The following MALRD1 variants were observed in gnomAD, a reference collection of about 807,000 sequenced individuals.
The protein encoded by MALRD1 is MAM and LDL-receptor class A domain-containing protein 1.
A neutral mutation model predicts 242.1 loss-of-function variants in MALRD1; 247 were observed. The ratio of observed to expected loss-of-function variants is 1.02; its 90% CI spans 0.92 to 1.13. The LOEUF is 1.13. Ranked by LOEUF, MALRD1 falls within the 50% of genes most tolerant of loss-of-function variation. The pLI is 0.00. For synonymous variants in MALRD1, 995 were observed against 866.6 expected (o/e 1.15, Z -2.60); for missense variants, 2,989 against 2,533.1 (o/e 1.18, Z -3.86).
chr10:19,607,295 G>A lies in MALRD1; in HGVS notation c.5945-482G>A, dbSNP rs542486870. 2.0e-5 allele frequency among the ~76,000 whole-genome samples: 3 copies of A among 152,240 alleles called. No individual in the cohort carries two copies. In the South Asian group the frequency reaches 6.2e-4, roughly 32 times the overall value. On this transcript the variant is annotated intron_variant, in intron 34 of 39. Coordinates refer to ENST00000454679, the MANE Select transcript of MALRD1 (RefSeq NM_001142308.3). ...CAGGAATTTATTTTCTCCCACTTCTGGAGGCTAAAAGTCCAAGATCAACGT... is the reference window on the plus strand; with the variant it reads ...CAGGAATTTATTTTCTCCCACTTCTAGAGGCTAAAAGTCCAAGATCAACGT...
intron 16 of MALRD1, among the ~76,000 whole-genome samples, chr10:19,204,640 A>G (rs1435699869): frequency 2.0e-5 from 3 of 152,066 alleles, no homozygotes; most frequent in Non-Finnish European, 4.4e-5. Context: ...CCAACCATGG[A>G]TTATAATTTA....
At chr10:19,682,925 G>A (rs1020349848) in intron 36 of MALRD1, among the ~76,000 whole-genome samples, 3 of 152,152 alleles carry the variant, frequency 2.0e-5, no homozygotes, top group Non-Finnish European at 4.4e-5. Context: ...GGCAGGCCCT[G>A]AGCATCTTCA....
At chr10:19,313,198 C>G (rs1169233164) in intron 21 of MALRD1, among the ~76,000 whole-genome samples, 1 of 151,388 alleles carries the variant, frequency 6.6e-6, no homozygotes, top group Non-Finnish European at 1.5e-5. Context: ...CAAATTACCA[C>G]TGGCAGATTA....
intron 36 of MALRD1, among the ~76,000 whole-genome samples, chr10:19,678,741 A>G (rs1308264553): frequency 6.6e-6 from 1 of 152,176 alleles, no homozygotes; most frequent in African/African-American, 2.4e-5. Context: ...TTCAAAGGGA[A>G]TGCTTCCAGC....
chr10:19,371,038 G>T (rs1322584912), intron 26 of MALRD1, among the ~76,000 whole-genome samples: 1 of 147,696 alleles, frequency 6.8e-6, no homozygotes, highest in South Asian at 2.1e-4. Context: ...TTAAGAGGTG[G>T]TAGGAGTTTT....
intron 33 of MALRD1, among the ~76,000 whole-genome samples, chr10:19,589,424 C>T (rs1167004772): frequency 1.3e-5 from 2 of 152,128 alleles, no homozygotes; most frequent in Non-Finnish European, 2.9e-5. Context: ...CTCCAATATA[C>T]AAAGAATAAA....
chr10:19,385,698 A>G (rs1388440144), intron 26 of MALRD1, among the ~76,000 whole-genome samples: 1 of 151,902 alleles, frequency 6.6e-6, no homozygotes, highest in Non-Finnish European at 1.5e-5. Flanking sequence ...TATTTTATTG[A>G]CATTCTCTAT....
chr10:19,498,629 A>T lies in MALRD1; in HGVS notation c.5303A>T (p.Asp1768Val). The change falls in exon 31 of 40, where the codon GAC becomes GTC. Residue 1768 changes from aspartate to valine, a missense_variant. By Grantham distance (152) the Asp-to-Val change is radical. Coordinates refer to ENST00000454679, the MANE Select transcript of MALRD1 (RefSeq NM_001142308.3). ...SRIPAKALIP[D>V]SDHTPGSGQH... ...ATTCCTGCCAAAGCATTAATTCCAG[A>T]CTCTGATCACACGCCAGGTAAATCT... 6.5e-7 allele frequency: 1 copy of T among 1,549,350 alleles called. No homozygotes were observed. The highest frequency in any genetic ancestry group is 8.7e-7 in the Non-Finnish European group (1 of 1,146,462).
intron 18 of MALRD1, among the ~76,000 whole-genome samples, chr10:19,228,032 G>A (rs1837875631): frequency 6.6e-6 from 1 of 152,150 alleles, no homozygotes; most frequent in African/African-American, 2.4e-5. Context: ...AGACATTTTG[G>A]AAAGCAGTTT....
intron 13 of MALRD1, among the ~76,000 whole-genome samples, chr10:19,170,204 A>G (rs1249623904): frequency 2.6e-5 from 4 of 152,212 alleles, no homozygotes; most frequent in African/African-American, 9.6e-5. Context: ...AATTTAGGTC[A>G]AAGAGTTAAT....
intron 28 of MALRD1, among the ~76,000 whole-genome samples, chr10:19,390,550 T>A (rs780694269): frequency 1.3e-5 from 2 of 152,178 alleles, no homozygotes; most frequent in Non-Finnish European, 2.9e-5. Context: ...CTTTACTGAG[T>A]TAAAACAGTA....
At chr10:19,716,450 A>G (rs952729124) in intron 38 of MALRD1, among the ~76,000 whole-genome samples, 1 of 152,210 alleles carries the variant, frequency 6.6e-6, no homozygotes. Flanking sequence ...CATGGAAGAC[A>G]TGCCTGCTTC....
Position 19,672,998 on chromosome 10 carries a change from A to C in MALRD1, c.6138-19284A>C, listed in dbSNP as rs1841992611. On this transcript the variant is annotated intron_variant, in intron 36 of 39. Transcript: ENST00000454679. ...TACAGTGCTCTTTGGTGGAAATATTATTGGAGGTAGTCTGTTGATAACTTA... is the reference window on the plus strand; with the variant it reads ...TACAGTGCTCTTTGGTGGAAATATTCTTGGAGGTAGTCTGTTGATAACTTA... 2.0e-5 allele frequency among the ~76,000 whole-genome samples: 3 copies of C among 152,134 alleles called. No homozygotes were observed. In the South Asian group the frequency reaches 6.2e-4, roughly 31 times the overall value.
chr10:19,365,659 TAAAAAAAAAAAAAAAA>T (rs199989681), intron 26 of MALRD1, among the ~76,000 whole-genome samples: 133 of 122,874 alleles, frequency 1.1e-3, no homozygotes, highest in Middle Eastern at 4.2e-3. Flanking sequence ...TTATAAATTC[TAAAAAAAAAAAAAAAA>T]AAAAAAAAAA....
At chr10:19,361,114 T>C (rs1250629205) in intron 26 of MALRD1, among the ~76,000 whole-genome samples, 2 of 152,112 alleles carry the variant, frequency 1.3e-5, no homozygotes, top group Non-Finnish European at 2.9e-5. Flanking sequence ...CTCCCAATAC[T>C]TATATAGATA....
At chr10:19,477,218 A>G (rs10764035) in intron 29 of MALRD1, among the ~76,000 whole-genome samples, 44,873 of 152,080 alleles carry the variant, frequency 0.3, 7,539 homozygotes, top group South Asian at 0.43. Flanking sequence ...ATACTTTTAT[A>G]TGACTTGTTA....
chr10:19,653,580 T>G (rs1840989350), intron 36 of MALRD1, among the ~76,000 whole-genome samples: 1 of 152,250 alleles, frequency 6.6e-6, no homozygotes, highest in Admixed American at 6.5e-5. Context: ...TCCTCTTGTG[T>G]TGAAGTTTTC....
At chr10:19,685,954 A>G (rs903448234) in intron 36 of MALRD1, among the ~76,000 whole-genome samples, 1 of 152,072 alleles carries the variant, frequency 6.6e-6, no homozygotes, top group African/African-American at 2.4e-5. Context: ...GGCCCTAGGA[A>G]TTGGGTTGAG....
At chr10:19,235,037 C>T (rs761132950) in intron 18 of MALRD1, among the ~76,000 whole-genome samples, 4 of 152,052 alleles carry the variant, frequency 2.6e-5, no homozygotes, top group African/African-American at 7.2e-5. Context: ...GTTTATAAAG[C>T]GTGAGTCAGA....
Sources: allele counts gnomAD v4.1 joint callset (sites outside exome capture counted in the v4.1 genomes callset), GRCh38; gene constraint gnomAD v4.1.1; transcripts MANE v1.5; gene names NCBI Gene and HGNC (gene_info 2026-07-23, HGNC 2026-07-21).